ROBO3: variants seen among roughly 807,000 people sequenced by gnomAD.
ROBO3 encodes the protein roundabout guidance receptor 3.
Under a neutral mutation model 160.5 loss-of-function variants are expected in ROBO3, and 97 were observed. The ratio of observed to expected loss-of-function variants is 0.60; its 90% CI spans 0.51 to 0.72. The LOEUF (loss-of-function observed/expected upper bound fraction) is 0.72. Among genes scored for constraint, ROBO3 ranks in the 30% least tolerant of loss-of-function variants. The pLI, the probability that ROBO3 is intolerant of heterozygous loss-of-function variation, is 0.00. For missense variants in ROBO3, 1,858 were observed against 1,846.5 expected, an observed-to-expected ratio of 1.01 and a Z score of -0.11; for synonymous variants, 780 against 746.2, an observed-to-expected ratio of 1.05 and a Z score of -0.74.
chr11:124,868,288 C>T (rs911422658), intron 1 of ROBO3, among the ~76,000 whole-genome samples: 1 of 152,172 alleles, frequency 6.6e-6, no homozygotes, highest in African/African-American at 2.4e-5. Flanking sequence ...TCTTGCCTTT[C>T]ATAAGGGATC....
chr11:124,868,212 G>C (rs73615442), intron 1 of ROBO3, among the ~76,000 whole-genome samples: 1,733 of 152,294 alleles, frequency 0.011, 35 homozygotes, highest in African/African-American at 0.04. Flanking sequence ...TCAGTAAGAA[G>C]GGCCCTGTGC....
chr11:124,879,941 C>G lies in ROBO3; in HGVS notation c.3951C>G (p.His1317Gln), dbSNP rs769075620. 6.3e-7 allele frequency: 1 copy of G among 1,579,070 alleles called. No homozygotes were observed. Among genetic ancestry groups the G allele is most frequent in the South Asian group, 1.2e-5 (1 of 86,802 alleles). The change falls in exon 26 of 28, where the codon CAC (histidine) becomes CAG (glutamine). Residue 1317 changes from histidine to glutamine, a missense_variant. Transcript: ENST00000397801. ...AVPLAAQRVLHPDEEAWLPYS... is the reference protein window; with the variant it reads ...AVPLAAQRVLQPDEEAWLPYS... ...CCCTGGCAGCCCAGCGGGTGCTCCACCCAGATGGTAAGCAGGGCCAGGGCA... is the reference window on the plus strand; with the variant it reads ...CCCTGGCAGCCCAGCGGGTGCTCCAGCCAGATGGTAAGCAGGGCCAGGGCA...
At chr11:124,867,493 G>A (rs931080136) in intron 1 of ROBO3, among the ~76,000 whole-genome samples, 8 of 152,218 alleles carry the variant, frequency 5.3e-5, no homozygotes, top group African/African-American at 1.9e-4. Context: ...TCACCACGGG[G>A]TGTTCCAAAA....
rs554357054 is a variant in ROBO3, at chr11:124,874,319, C to A, written c.1951+83C>A. The A allele has an allele frequency of 6.7e-5, 83 of 1,241,002 alleles. No individual in the cohort carries two copies. The East Asian group carries it at 2.1e-3, about 31-fold the overall frequency. 76.9% of individuals were successfully genotyped at this position (1,241,002 alleles called of 1,614,324 possible). On this transcript the variant is annotated intron_variant, in intron 12 of 27. Coordinates refer to ENST00000397801, the MANE Select transcript of ROBO3 (RefSeq NM_022370.4). ...CTCCCCCAAAACCATGACACCACGG[C>A]AGTTCATACAGTTCTTTCCTGCTAT...
intron 7 of ROBO3, among the ~76,000 whole-genome samples, chr11:124,871,681 C>G (rs1591510948): frequency 6.6e-6 from 1 of 152,174 alleles, no homozygotes; most frequent in African/African-American, 2.4e-5. Context: ...ATAACTCTCT[C>G]TAAAGGAAGG....
chr11:124,872,840 C>T lies in ROBO3; in HGVS notation c.1331-44C>T. On this transcript the variant is annotated intron_variant, in intron 8 of 27. Transcript: ENST00000397801. This position sits in a 1 kb window ranked among gnomAD's most constrained non-coding sequence, Gnocchi z 4.3. The stretch of plus-strand genomic sequence containing the variant: ...TGAGGACAAGGGGCTGCCCGCGGGG[C>T]CCTAAGCTCCTCCCCTGAGGTGCAC... 9 of 1,472,734 alleles carry T rather than the reference C, an allele frequency of 6.1e-6. No homozygotes were observed. The highest frequency in any genetic ancestry group is 8.2e-6 in the Non-Finnish European group (9 of 1,097,028). 91.2% of individuals were successfully genotyped at this position (1,472,734 alleles called of 1,614,324 possible). A position where few individuals can be genotyped will look rare whatever the true frequency, so the allele number is the denominator to read the frequency against.
chr11:124,876,112 G>A lies in ROBO3; in HGVS notation c.2580G>A (p.Val860=), dbSNP rs758684862. 3 of 1,601,610 alleles carry A rather than the reference G, an allele frequency of 1.9e-6. No individual in the cohort carries two copies. In the African/African-American group the frequency reaches 4.0e-5, roughly 21 times the overall value. Residue 860 remains valine, a synonymous_variant, in exon 16 of 28, where the codon GTG becomes GTA. Transcript: ENST00000397801. The surrounding 1 kb of genome is among the most constrained non-coding windows in gnomAD (Gnocchi z 5.3). ...GCGTGGGCGTGCCCAGTGCCCCAGT[G>A]CTGGTGCAGCTGCGTGAGTCCACCC... ...SAGVGVPSAP[V]LVQLPSPPDL...
intron 1 of ROBO3, among the ~76,000 whole-genome samples, chr11:124,866,044 C>T (rs978449532): frequency 6.6e-6 from 1 of 152,166 alleles, no homozygotes; most frequent in Admixed American, 6.5e-5. Context: ...GAAGTCCGAG[C>T]TAAGAAAGGC....
chr11:124,880,313 TTCA>T (rs1406164246), intron 26 of ROBO3, 102 bp from the exon 27 acceptor site: 1 of 1,511,874 alleles, frequency 6.6e-7, no homozygotes, highest in African/African-American at 1.4e-5. Flanking sequence ...GTGCCTGCCC[TTCA>T]TCTTCTTCCA....
chr11:124,870,563 G>C, intron 5 of ROBO3, 38 bp from the exon 6 acceptor site: 1 of 1,613,124 alleles, frequency 6.2e-7, no homozygotes. Context: ...AGGGTCTGTA[G>C]CTGTGGCCAA....
At position 124,878,892 on chromosome 11, in the gene ROBO3, A is replaced by G. The variant is rs1946480308; in HGVS notation, c.3533+96A>G. 3 of 1,098,296 alleles carry G rather than the reference A, an allele frequency of 2.7e-6. No homozygotes were observed. The highest frequency in any genetic ancestry group is 3.1e-5 in the African/African-American group (2 of 64,734). The allele number at this position is 1,098,296 out of a possible 1,614,324, so 68.0% of individuals were successfully genotyped here. ...GGTGGATGGATGGATGGGTGGATGG[A>G]TCTGGGGTACAGAGGTCTCAGGGCT... On this transcript the variant is annotated intron_variant, in intron 23 of 27. Coordinates refer to ENST00000397801, the MANE Select transcript of ROBO3 (RefSeq NM_022370.4). This position sits in a 1 kb window ranked among gnomAD's most constrained non-coding sequence, Gnocchi z 4.3.
chr11:124,877,616 T>A lies in ROBO3; in HGVS notation c.2944T>A (p.Cys982Ser), dbSNP rs1461316489. ...CTCGGCCCAGGAACCCAGGGGAAGCTGCTGCCCTAGCAATCCTGACCCGGA... is the reference window on the plus strand; with the variant it reads ...CTCGGCCCAGGAACCCAGGGGAAGCAGCTGCCCTAGCAATCCTGACCCGGA... Reference protein sequence around the residue: ...SPSAQEPRGSCCPSNPDPDDR... With the variant: ...SPSAQEPRGSSCPSNPDPDDR... Residue 982 changes from cysteine to serine, a missense_variant, in exon 20 of 28, where the codon TGC becomes AGC. Physicochemically the swap from Cys to Ser is moderately radical, Grantham distance 112 (BLOSUM62 -1). Coordinates refer to ENST00000397801, the MANE Select transcript of ROBO3 (RefSeq NM_022370.4). 2 of 1,610,382 alleles carry A rather than the reference T, an allele frequency of 1.2e-6. No homozygotes were observed. Among genetic ancestry groups the A allele is most frequent in the Non-Finnish European group, 1.7e-6 (2 of 1,178,460 alleles).
In ROBO3 at chr11:124,876,824, T is replaced by C. The variant is rs1946389764; in HGVS notation, c.2780-337T>C. On this transcript the variant is annotated intron_variant, in intron 17 of 27. Transcript: ENST00000397801. This position sits in a 1 kb window ranked among gnomAD's most constrained non-coding sequence, Gnocchi z 5.3. The stretch of plus-strand genomic sequence containing the variant: ...TGTGGCCAGGATCCCAGGCAGTAAA[T>C]TGTGCGGCGGGGTCTGGATGGAAAG... 9.7e-6 allele frequency: 5 copies of C among 512,882 alleles called. No individual in the cohort carries two copies. Among genetic ancestry groups the C allele is most frequent in the Non-Finnish European group, 1.7e-5 (5 of 287,678 alleles). The allele number at this position is 512,882 out of a possible 1,614,324, so 31.8% of individuals were successfully genotyped here. A position where few individuals can be genotyped will look rare whatever the true frequency, so the allele number is the denominator to read the frequency against.
chr11:124,869,654 A>G lies in ROBO3; in HGVS notation c.645+47A>G. ...GAGACCCCAACAAGGGAGGGGACATAGGGTAGGGAGGTGACAAGGCTGGAG... is the reference window on the plus strand; with the variant it reads ...GAGACCCCAACAAGGGAGGGGACATGGGGTAGGGAGGTGACAAGGCTGGAG... On this transcript the variant is annotated intron_variant, in intron 3 of 27. Transcript: ENST00000397801. The surrounding 1 kb of genome is among the most constrained non-coding windows in gnomAD (Gnocchi z 4.2). The G allele has an allele frequency of 2.0e-6, 3 of 1,504,306 alleles. No homozygotes were observed. The highest frequency in any genetic ancestry group is 2.7e-6 in the Non-Finnish European group (3 of 1,120,568). The allele number at this position is 1,504,306 out of a possible 1,614,324, so 93.2% of individuals were successfully genotyped here.
chr11:124,866,160 C>A (rs996294498), intron 1 of ROBO3, among the ~76,000 whole-genome samples: 4 of 152,172 alleles, frequency 2.6e-5, no homozygotes, highest in Non-Finnish European at 5.9e-5. Context: ...TTCGGAACCC[C>A]GAAGTTTCCC....
rs1453395357 is a variant in ROBO3, at chr11:124,880,494, C to T, written c.4035C>T (p.Gly1345=). The T allele has an allele frequency of 6.2e-7, 1 of 1,602,300 alleles. No individual in the cohort carries two copies. Among genetic ancestry groups the T allele is most frequent in the East Asian group, 2.2e-5 (1 of 44,518 alleles). ...GCACCAGCACATGTTCCACGGCCGG[C>T]AGCAACTCTTCCAGGGGCTCCAGCA... ...GQGTSTCSTA[G]SNSSRGSSSS... is the part of the protein sequence containing the mutation. Residue 1345 remains glycine (G), a synonymous_variant, in exon 27 of 28, where the codon GGC becomes GGT. Transcript: ENST00000397801.
rs762113609 is a variant in ROBO3 at position 124,870,011 on chromosome 11, G to A, written c.709G>A (p.Val237Ile). 36 of 1,613,830 alleles carry A rather than the reference G, an allele frequency of 2.2e-5. No individual in the cohort carries two copies. The highest frequency in any genetic ancestry group is 2.9e-5 in the Non-Finnish European group (34 of 1,179,858). Reference sequence around the variant, plus strand: ...GAGCGATGCAGGCATGTATGTGTGCGTAGCCTCCAACATGGCGGGAGAACG... The same window carrying A: ...GAGCGATGCAGGCATGTATGTGTGCATAGCCTCCAACATGGCGGGAGAACG... Reference protein sequence around the residue: ...LKSDAGMYVCVASNMAGERES... With the variant: ...LKSDAGMYVCIASNMAGERES... The change falls in exon 4 of 28, where the codon GTA (valine) becomes ATA (isoleucine). Residue 237 changes from valine to isoleucine, a missense_variant. By Grantham distance (29) the Val-to-Ile change is conservative (BLOSUM62 3). Coordinates refer to ENST00000397801, the MANE Select transcript of ROBO3 (RefSeq NM_022370.4).
intron 27 of ROBO3, 38 bp from the exon 28 acceptor site, chr11:124,881,201 A>G: frequency 6.3e-7 from 1 of 1,596,472 alleles, no homozygotes; most frequent in African/African-American, 1.3e-5. Flanking sequence ...GCCCTGGGCC[A>G]GGGTTTTACA....
At position 124,874,173 on chromosome 11, in the gene ROBO3, C is replaced by T. The variant is rs757313953; in HGVS notation, c.1888C>T (p.Arg630Ter). ...CAATACCATCTACCTGTTTCTGGTT[C>T]GAGCAGTGGGAGCCTGGGGCCTCAG... ...QPNTIYLFLV[R>*]AVGAWGLSEP... The change falls in exon 12 of 28, where the codon CGA (arginine) becomes TGA (stop). Residue 630 changes from arginine to a stop codon, truncating the protein, a stop_gained. Transcript: ENST00000397801. LOFTEE classifies it high-confidence loss of function. 3 of 1,613,856 alleles carry T rather than the reference C, an allele frequency of 1.9e-6. No homozygotes were observed. Among genetic ancestry groups the T allele is most frequent in the African/African-American group, 1.3e-5 (1 of 74,914 alleles).
Sources: gnomAD v4.1 joint callset for allele counts (sites outside exome capture counted in the v4.1 genomes callset) on GRCh38, gnomAD v4.1.1 for gene constraint, Gnocchi (gnomAD v3.1) non-coding constraint, MANE v1.5 for transcripts, NCBI Gene and HGNC (gene_info 2026-07-23, HGNC 2026-07-21) for gene names.